NR1H3: variants seen among roughly 807,000 people sequenced by gnomAD.
The protein encoded by NR1H3 is nuclear receptor subfamily 1 group H member 3, also known as oxysterols receptor LXR-alpha.
A neutral mutation model predicts 48.1 loss-of-function variants in NR1H3; 19 were observed. The ratio of observed to expected loss-of-function variants is 0.40; its 90% CI spans 0.28 to 0.58. The LOEUF is 0.58. NR1H3 is among the 20% of genes least tolerant of loss of function. The probability of loss-of-function intolerance (pLI) is 0.50; values close to 1 mark genes in which losing one functional copy is unlikely to be tolerated. For synonymous variants in NR1H3, 232 were observed against 227.3 expected (o/e 1.02, Z -0.19); for missense variants, 486 against 595.9 (o/e 0.82, Z 1.92).
At chr11:47,257,393 G>C (rs1955281975), upstream of NR1H3, among the ~76,000 whole-genome samples, 3 of 152,246 alleles carry the variant, frequency 2.0e-5, no homozygotes, top group South Asian at 6.2e-4. Flanking sequence ...CCTATCAAAG[G>C]CTCTCCTGGC....
chr11:47,254,520 C>T (rs1352846438), upstream of NR1H3, among the ~76,000 whole-genome samples: 1 of 151,928 alleles, frequency 6.6e-6, no homozygotes, highest in Non-Finnish European at 1.5e-5. Flanking sequence ...GGAACACAGG[C>T]GAGAGGAATG....
At chr11:47,257,816 G>A (rs1955339731), upstream of NR1H3, 4 of 966,612 alleles carry the variant, frequency 4.1e-6, no homozygotes, top group Non-Finnish European at 4.9e-6. Flanking sequence ...GTAGGGGGCG[G>A]GAGTGGCGGG....
At chr11:47,266,673 G>A (rs1204975765) in intron 7 of NR1H3, among the ~76,000 whole-genome samples, 5 of 144,500 alleles carry the variant, frequency 3.5e-5, no homozygotes, top group South Asian at 2.2e-4. Flanking sequence ...ATGGAGTTTC[G>A]CTCTGTCATC....
chr11:47,268,195 T>C, intron 8 of NR1H3, 66 bp from the exon 9 acceptor site: 2 of 1,466,776 alleles, frequency 1.4e-6, no homozygotes, highest in South Asian at 2.3e-5. Flanking sequence ...ATATTTTGGT[T>C]GCAATTTGGG....
upstream of NR1H3, among the ~76,000 whole-genome samples, chr11:47,255,731 G>C (rs776517033): frequency 6.0e-5 from 9 of 149,862 alleles, no homozygotes; most frequent in African/African-American, 1.7e-4. Context: ...GCAATGGCGC[G>C]ATCTCGGGTC....
intron 7 of NR1H3, among the ~76,000 whole-genome samples, chr11:47,263,495 C>T (rs563968266): frequency 2.0e-5 from 3 of 151,516 alleles, no homozygotes; most frequent in Non-Finnish European, 4.4e-5. Context: ...AAAATGGTCT[C>T]GAACTCCTGA....
chr11:47,260,493 C>G lies in NR1H3; in HGVS notation c.317C>G (p.Ser106Trp), dbSNP rs781012781. Residue 106 changes from serine (S) to tryptophan (W), a missense_variant, in exon 4 of 10, where the codon TCG becomes TGG. Coordinates refer to ENST00000441012, the MANE Select transcript of NR1H3 (RefSeq NM_005693.4). The stretch of plus-strand genomic sequence containing the variant: ...TGCAGCGTGTGTGGGGACAAGGCCT[C>G]GGGCTTCCACTACAATGTTCTGAGC... ...ELCSVCGDKA[S>W]GFHYNVLSCE... 1.2e-6 allele frequency: 2 copies of G among 1,614,156 alleles called. No homozygotes were observed.
chr11:47,263,990 G>A (rs1219499074), intron 7 of NR1H3, among the ~76,000 whole-genome samples: 9 of 152,148 alleles, frequency 5.9e-5, no homozygotes, highest in African/African-American at 1.7e-4. Flanking sequence ...CAATAAGAGC[G>A]AATGCTTCCA....
chr11:47,268,876 C>T lies in NR1H3; in HGVS notation c.*180C>T, dbSNP rs564655241. On this transcript the variant is annotated 3_prime_UTR_variant, in exon 10 of 10. Coordinates refer to ENST00000441012, the MANE Select transcript of NR1H3 (RefSeq NM_005693.4). ...GTTTTGTGGCTACTGAGCAGTGGAG[C>T]CCTCGCTAACACTGTGCTGTGTCTG... is the stretch of plus-strand genomic sequence containing the variant. 194 of 688,348 alleles carry T rather than the reference C, an allele frequency of 2.8e-4. No individual in the cohort carries two copies. The East Asian group carries it at 5.3e-3, about 19-fold the overall frequency. 42.6% of individuals were successfully genotyped at this position (688,348 alleles called of 1,614,324 possible). A position where few individuals can be genotyped will look rare whatever the true frequency, so the allele number is the denominator to read the frequency against.
chr11:47,251,794 G>A (rs1030451101), intron 1 of NR1H3, among the ~76,000 whole-genome samples: 2 of 152,110 alleles, frequency 1.3e-5, no homozygotes, highest in Non-Finnish European at 2.9e-5. Flanking sequence ...CTCAAATTCA[G>A]CTTTTGCTTT....
upstream of NR1H3, chr11:47,248,357 T>G: frequency 7.6e-7 from 1 of 1,308,004 alleles, no homozygotes; most frequent in Non-Finnish European, 1.1e-6. Flanking sequence ...AAGGTACAGG[T>G]AGGAAGGGAA....
intron 7 of NR1H3, among the ~76,000 whole-genome samples, chr11:47,263,267 C>CTT (rs112370737): frequency 0.018 from 2,544 of 141,886 alleles, 38 homozygotes; most frequent in Non-Finnish European, 0.027. Context: ...ATTTCCCCTA[C>CTT]TTTTTTTTTT....
intron 2 of NR1H3, 30 bp downstream of exon 2, chr11:47,259,289 G>T (rs550854533): frequency 1.8e-4 from 286 of 1,614,084 alleles, no homozygotes; most frequent in Non-Finnish European, 2.2e-4. Flanking sequence ...TCTCCCCTGA[G>T]CCCAGACCGC....
intron 7 of NR1H3, among the ~76,000 whole-genome samples, chr11:47,265,484 A>G (rs907438078): frequency 1.3e-5 from 2 of 152,214 alleles, no homozygotes; most frequent in East Asian, 1.9e-4. Context: ...AGACTTTGAC[A>G]ATGTGTATGA....
At chr11:47,268,465 A>G (rs979308147) in intron 9 of NR1H3, 85 bp from the exon 10 acceptor site, 97 of 1,592,582 alleles carry the variant, frequency 6.1e-5, no homozygotes, top group Non-Finnish European at 7.6e-5. Flanking sequence ...TGTGCAGACA[A>G]TTCACCTCTC....
At chr11:47,250,142 C>T (rs1954518162) in intron 1 of NR1H3, among the ~76,000 whole-genome samples, 1 of 152,020 alleles carries the variant, frequency 6.6e-6, no homozygotes, top group African/African-American at 2.4e-5. Flanking sequence ...TGTGGTGGCT[C>T]ACGTTTCTAA....
chr11:47,248,912 C>A, upstream of NR1H3: 1 of 1,541,322 alleles, frequency 6.5e-7, no homozygotes. Flanking sequence ...TACTTAGGGA[C>A]CTGCTGGGGT....
Position 47,261,942 on chromosome 11 carries a change from G to A in NR1H3, c.912G>A (p.Arg304=). The A allele has an allele frequency of 6.2e-7, 1 of 1,614,154 alleles. No homozygotes were observed. Among genetic ancestry groups the A allele is most frequent in the Non-Finnish European group, 8.5e-7 (1 of 1,180,000 alleles). The change falls in exon 7 of 10, where the codon CGG becomes CGA. Residue 304 remains arginine, a synonymous_variant. Transcript: ENST00000441012. ...AGGTGATGCTTCTGGAGACATCTCG[G>A]AGGTACAACCCTGGGAGTGAGAGTA... ...AIEVMLLETS[R]RYNPGSESIT...
intron 7 of NR1H3, among the ~76,000 whole-genome samples, chr11:47,264,050 G>A (rs1374095016): frequency 2.0e-5 from 3 of 152,134 alleles, no homozygotes; most frequent in Admixed American, 1.3e-4. Context: ...TTCATTCTGC[G>A]GCTCTCTATC....
Sources: gnomAD v4.1 joint callset for allele counts (sites outside exome capture counted in the v4.1 genomes callset) on GRCh38, gnomAD v4.1.1 for gene constraint, MANE v1.5 for transcripts, NCBI Gene and HGNC (gene_info 2026-07-23, HGNC 2026-07-21) for gene names.